PSD3: variants seen among roughly 807,000 people sequenced by gnomAD.
The protein encoded by PSD3 is pleckstrin and Sec7 domain containing 3, also known as PH and SEC7 domain-containing protein 3.
Under a neutral mutation model 105.5 loss-of-function variants are expected in PSD3, and 49 were observed. The ratio of observed to expected loss-of-function variants is 0.46; its 90% CI spans 0.37 to 0.59. The LOEUF is 0.59. Ranked by LOEUF, PSD3 falls within the 20% of genes least tolerant of loss-of-function variation. The pLI is 0.00. For synonymous variants in PSD3, 557 were observed against 457.8 expected, an observed-to-expected ratio of 1.22 and a Z score of -2.77; for missense variants, 1,561 against 1,263.8, an observed-to-expected ratio of 1.24 and a Z score of -3.57.
At chr8:18,600,285 A>T in intron 12 of PSD3, 79 bp downstream of exon 12, 1 of 1,238,890 alleles carries the variant, frequency 8.1e-7, no homozygotes, top group Non-Finnish European at 1.2e-6. Flanking sequence ...GATAAGGGAG[A>T]CTACCGTACA....
At chr8:18,749,656 C>A (rs1166737062) in intron 9 of PSD3, among the ~76,000 whole-genome samples, 1 of 152,026 alleles carries the variant, frequency 6.6e-6, no homozygotes, top group Non-Finnish European at 1.5e-5. Flanking sequence ...AACAGGCACT[C>A]AGAAGATGCA....
chr8:19,074,611 A>ATATATATATATATATATATATATT (rs1324257417), intron 1 of PSD3, among the ~76,000 whole-genome samples: 1 of 24,228 alleles, frequency 4.1e-5, no homozygotes, highest in Non-Finnish European at 7.4e-5. Context: ...ATATATATAT[A>ATATATATATATATATATATATATT]TTTTTTTTTT....
At chr8:18,912,301 G>A (rs1486950126) in intron 2 of PSD3, among the ~76,000 whole-genome samples, 1 of 152,166 alleles carries the variant, frequency 6.6e-6, no homozygotes, top group Non-Finnish European at 1.5e-5. Context: ...CAAATCTGAA[G>A]GAAATCTGCT....
intron 4 of PSD3, among the ~76,000 whole-genome samples, chr8:18,847,194 G>A (rs1038824136): frequency 6.6e-4 from 101 of 152,250 alleles, no homozygotes; most frequent in African/African-American, 2.1e-3. Context: ...CCATCAACCA[G>A]TCACTTGAGC....
intron 2 of PSD3, among the ~76,000 whole-genome samples, chr8:18,908,929 C>T (rs1820022114): frequency 6.6e-6 from 1 of 152,114 alleles, no homozygotes; most frequent in South Asian, 2.1e-4. Context: ...TTCTAGGAAA[C>T]CTGCAGCCAC....
chr8:18,684,681 G>A (rs1800568334), intron 9 of PSD3, among the ~76,000 whole-genome samples: 1 of 152,224 alleles, frequency 6.6e-6, no homozygotes, highest in Non-Finnish European at 1.5e-5. Flanking sequence ...AATTATGTCA[G>A]TGTGTACGGC....
chr8:18,579,877 A>G (rs761320804), intron 12 of PSD3, among the ~76,000 whole-genome samples: 5 of 152,192 alleles, frequency 3.3e-5, no homozygotes, highest in Non-Finnish European at 7.3e-5. Flanking sequence ...CATGTACTTA[A>G]AACAATTTTA....
At chr8:19,076,003 C>T (rs545088837) in intron 1 of PSD3, among the ~76,000 whole-genome samples, 331 of 152,230 alleles carry the variant, frequency 2.2e-3, no homozygotes, top group African/African-American at 7.3e-3. Flanking sequence ...TCACAGGCTA[C>T]GAACACAAGG....
chr8:18,652,233 G>C (rs921155685), intron 10 of PSD3, among the ~76,000 whole-genome samples: 8 of 152,084 alleles, frequency 5.3e-5, no homozygotes, highest in Non-Finnish European at 8.8e-5. Flanking sequence ...TGAAACTTGG[G>C]AAAGAGGTCA....
rs1175724199 is a variant in PSD3 at position 18,970,255 on chromosome 8, G to A, written c.22-34113C>T. 4.7e-5 allele frequency among the ~76,000 whole-genome samples: 7 copies of A among 148,656 alleles called. No homozygotes were observed. The Admixed American group carries it at 4.7e-4, about 10-fold the overall frequency. On this transcript the variant is annotated intron_variant, in intron 1 of 15. Coordinates refer to ENST00000327040, the MANE Select transcript of PSD3 (RefSeq NM_015310.4). ...CAGGAGAATGGCATGAACCCGGGAG[G>A]CGGAGCTTGCAGTGAGCCGAGATCG...
chr8:18,578,886 A>T lies in PSD3; in HGVS notation c.2482-3601T>A, dbSNP rs568379064. On this transcript the variant is annotated intron_variant, in intron 12 of 15. Transcript: ENST00000327040. The stretch of plus-strand genomic sequence containing the variant: ...CTAAGGTAAACTGCCAGATTACCTT[A>T]TACTGGAAGGAGAACACTATATACG... Among the ~76,000 whole-genome samples the T allele has an allele frequency of 5.1e-4, 78 of 152,214 alleles. 1 individual carries two copies. The highest frequency in any genetic ancestry group is 1.5e-3 in the African/African-American group (63 of 41,562).
At position 18,535,586 on chromosome 8, in the gene PSD3, C is replaced by T. The variant is rs1585189597; in HGVS notation, c.*157G>A. 10 of 651,056 alleles carry T rather than the reference C, an allele frequency of 1.5e-5. No individual in the cohort carries two copies. The highest frequency in any genetic ancestry group is 2.3e-5 in the Non-Finnish European group (9 of 385,528). 40.3% of individuals were successfully genotyped at this position (651,056 alleles called of 1,614,324 possible). On this transcript the variant is annotated 3_prime_UTR_variant, in exon 16 of 16. Transcript: ENST00000327040. The stretch of plus-strand genomic sequence containing the variant: ...AAAAGAAATCAAGAGCAAAGACAAT[C>T]TGTACAGAAACTAACAAAAATATAC...
At chr8:18,841,512 C>T (rs1814625729) in intron 4 of PSD3, among the ~76,000 whole-genome samples, 1 of 149,416 alleles carries the variant, frequency 6.7e-6, no homozygotes, top group Non-Finnish European at 1.5e-5. Context: ...AATTTAAACA[C>T]TCACTAGCAT....
At chr8:18,743,019 C>T (rs986455539) in intron 9 of PSD3, among the ~76,000 whole-genome samples, 1 of 152,100 alleles carries the variant, frequency 6.6e-6, no homozygotes, top group Non-Finnish European at 1.5e-5. Context: ...CTATGCGATG[C>T]CTTTAGCTTT....
chr8:18,622,375 C>T (rs1297836877), intron 11 of PSD3, among the ~76,000 whole-genome samples: 1 of 152,142 alleles, frequency 6.6e-6, no homozygotes, highest in African/African-American at 2.4e-5. Flanking sequence ...CATTATATCC[C>T]TAAACAATGT....
rs186665104 is a variant in PSD3, at chr8:19,047,072, G to A, written c.324+37134C>T. Among the ~76,000 whole-genome samples, 392 of 151,130 alleles carry A rather than the reference G, an allele frequency of 2.6e-3. 2 individuals are homozygous for A. The highest frequency in any genetic ancestry group is 8.0e-3 in the African/African-American group (329 of 41,132). ...ATATCCCACTCCCTCTCCGGGGCTCGTTGCCAGCAGGCCTCTTATTCCTCT... is the reference window on the plus strand; with the variant it reads ...ATATCCCACTCCCTCTCCGGGGCTCATTGCCAGCAGGCCTCTTATTCCTCT... On this transcript the variant is annotated intron_variant, in intron 1 of 1. Transcript: ENST00000521475.
chr8:18,985,788 A>G (rs976703602), intron 1 of PSD3, among the ~76,000 whole-genome samples: 1 of 152,170 alleles, frequency 6.6e-6, no homozygotes, highest in African/African-American at 2.4e-5. Context: ...AAATATTAAA[A>G]TATTAGAATG....
chr8:18,624,418 T>G (rs887234888), intron 11 of PSD3, among the ~76,000 whole-genome samples: 2 of 151,334 alleles, frequency 1.3e-5, no homozygotes, highest in African/African-American at 4.9e-5. Flanking sequence ...CCTCTTCAAG[T>G]TTTTGCCCAT....
intron 4 of PSD3, among the ~76,000 whole-genome samples, chr8:18,812,634 A>T (rs1811792946): frequency 6.6e-6 from 1 of 152,192 alleles, no homozygotes; most frequent in South Asian, 2.1e-4. Flanking sequence ...GGGTGGGGTT[A>T]CCATCGACCA....
Sources: gnomAD v4.1 joint callset for allele counts (sites outside exome capture counted in the v4.1 genomes callset) on GRCh38, gnomAD v4.1.1 for gene constraint, MANE v1.5 for transcripts, NCBI Gene and HGNC (gene_info 2026-07-23, HGNC 2026-07-21) for gene names.